Variants in KHDRBS2 observed in about 807,000 individuals in gnomAD.
The protein encoded by KHDRBS2 is KH domain-containing, RNA-binding, signal transduction-associated protein 2.
Under a neutral mutation model 44.3 loss-of-function variants are expected in KHDRBS2, and 26 were observed. That is an observed-to-expected ratio of 0.59 (90% CI 0.43 to 0.81). The LOEUF is 0.81. Ranked by LOEUF, KHDRBS2 falls within the 40% of genes least tolerant of loss-of-function variation. The probability of loss-of-function intolerance (pLI) is 0.00; values close to 1 mark genes in which losing one functional copy is unlikely to be tolerated. For missense variants in KHDRBS2, 476 were observed against 433.1 expected, an observed-to-expected ratio of 1.10 and a Z score of -0.88; for synonymous variants, 194 against 151.1, an observed-to-expected ratio of 1.28 and a Z score of -2.08.
At chr6:61,768,136 C>T (rs908901585) in intron 6 of KHDRBS2, among the ~76,000 whole-genome samples, 5 of 151,988 alleles carry the variant, frequency 3.3e-5, no homozygotes, top group African/African-American at 1.2e-4. Context: ...AGTATTCTTC[C>T]TTCAGTACTT....
chr6:62,177,260 C>T lies in KHDRBS2; in HGVS notation c.144G>A (p.Lys48=). The T allele has an allele frequency of 1.2e-6, 2 of 1,600,698 alleles. No individual in the cohort carries two copies. Among genetic ancestry groups the T allele is most frequent in the Admixed American group, 1.7e-5 (1 of 59,376 alleles). Residue 48 remains lysine (K), a synonymous_variant, in exon 2 of 9, where the codon AAG becomes AAA. Coordinates refer to ENST00000281156, the MANE Select transcript of KHDRBS2 (RefSeq NM_152688.4). ...SDGKKEDEEK[K]YLDVISNKNI... Reference sequence around the variant, plus strand: ...TTTTGTTGCTGATGACATCAAGATACTTCTTTTCTTCGTCTTCCTTTTTTC... The same window carrying T: ...TTTTGTTGCTGATGACATCAAGATATTTCTTTTCTTCGTCTTCCTTTTTTC...
intron 3 of KHDRBS2, among the ~76,000 whole-genome samples, chr6:62,026,605 T>G (rs1562670961): frequency 6.6e-6 from 1 of 151,632 alleles, no homozygotes. Flanking sequence ...GTTAACTTTT[T>G]TTTTTCAGAG....
chr6:61,876,642 G>A (rs1799447718), intron 6 of KHDRBS2, among the ~76,000 whole-genome samples: 1 of 152,030 alleles, frequency 6.6e-6, no homozygotes, highest in South Asian at 2.1e-4. Flanking sequence ...GTTGCAGTGA[G>A]CAATTTGGCA....
At chr6:62,228,788 T>A (rs1832372063) in intron 1 of KHDRBS2, among the ~76,000 whole-genome samples, 1 of 152,170 alleles carries the variant, frequency 6.6e-6, no homozygotes, top group Non-Finnish European at 1.5e-5. Context: ...TTCCATTATT[T>A]ACCCAGGAGT....
intron 1 of KHDRBS2, among the ~76,000 whole-genome samples, chr6:62,179,151 A>G (rs1821744422): frequency 6.6e-6 from 1 of 151,612 alleles, no homozygotes; most frequent in Non-Finnish European, 1.5e-5. Flanking sequence ...TGGAATTTAA[A>G]AGAATTATTT....
At position 61,901,355 on chromosome 6, in the gene KHDRBS2, A is replaced by G; in HGVS notation, c.500T>C (p.Ile167Thr). 2 of 1,612,908 alleles carry G rather than the reference A, an allele frequency of 1.2e-6. No individual in the cohort carries two copies. Among genetic ancestry groups the G allele is most frequent in the South Asian group, 1.1e-5 (1 of 91,010 alleles). ...TAATTCACGTAGTTGTTCCTGACGA[A>G]TTTCATCATTGTAGTCCTGGAGAAA... ...KFLVPDYNDE[I>T]RQEQLRELSY... The change falls in exon 5 of 9, where the codon ATT becomes ACT. Residue 167 changes from isoleucine (I) to threonine (T), a missense_variant. By Grantham distance (89) the Ile-to-Thr change is moderately conservative. Coordinates refer to ENST00000281156, the MANE Select transcript of KHDRBS2 (RefSeq NM_152688.4).
intron 4 of KHDRBS2, among the ~76,000 whole-genome samples, chr6:61,954,989 C>CATAT (rs144454493): frequency 7.6e-6 from 1 of 131,350 alleles, no homozygotes; most frequent in South Asian, 2.4e-4. Context: ...TATGTGTATA[C>CATAT]ATATATAGAC....
intron 4 of KHDRBS2, among the ~76,000 whole-genome samples, chr6:61,969,101 A>G (rs371298951): frequency 1.3e-5 from 2 of 152,106 alleles, no homozygotes; most frequent in East Asian, 1.9e-4. Flanking sequence ...GCTTTTACAT[A>G]TAAGATCTTT....
chr6:61,800,526 A>G (rs1467991073), intron 6 of KHDRBS2, among the ~76,000 whole-genome samples: 1 of 152,134 alleles, frequency 6.6e-6, no homozygotes, highest in African/African-American at 2.4e-5. Flanking sequence ...GTAGTACAAC[A>G]GTTCATTTAC....
At chr6:61,642,202 T>C in the KHDRBS2 span, among the ~76,000 whole-genome samples, 1 of 152,310 alleles carries the variant, frequency 6.6e-6, no homozygotes, top group South Asian at 2.1e-4. Flanking sequence ...TTTTATTTTT[T>C]ATATTTTATT....
chr6:61,611,336 T>C, the KHDRBS2 span, among the ~76,000 whole-genome samples: 1 of 152,170 alleles, frequency 6.6e-6, no homozygotes, highest in Admixed American at 6.5e-5. Flanking sequence ...AATCACCTTA[T>C]GAAAAGCATC....
chr6:62,032,854 C>T (rs1484274098), intron 3 of KHDRBS2, among the ~76,000 whole-genome samples: 2 of 151,770 alleles, frequency 1.3e-5, no homozygotes, highest in South Asian at 2.1e-4. Context: ...TGTGACCTCA[C>T]CAAATGAACT....
intron 2 of KHDRBS2, among the ~76,000 whole-genome samples, chr6:62,143,429 A>G (rs1279928071): frequency 6.6e-6 from 1 of 152,032 alleles, no homozygotes; most frequent in Non-Finnish European, 1.5e-5. Flanking sequence ...CAAAGACAGC[A>G]ATCTATTTCA....
At chr6:62,199,642 G>A (rs1474924092) in intron 1 of KHDRBS2, among the ~76,000 whole-genome samples, 10 of 152,138 alleles carry the variant, frequency 6.6e-5, no homozygotes, top group Admixed American at 6.5e-4. Flanking sequence ...TCAATATCGT[G>A]AAAACGGCCA....
intron 6 of KHDRBS2, among the ~76,000 whole-genome samples, chr6:61,745,104 T>C (rs1776675069): frequency 6.6e-6 from 1 of 152,126 alleles, no homozygotes; most frequent in African/African-American, 2.4e-5. Context: ...GGAAGCAATA[T>C]AGTAAACAAA....
At chr6:62,003,733 A>G (rs1341301625) in intron 3 of KHDRBS2, among the ~76,000 whole-genome samples, 1 of 152,128 alleles carries the variant, frequency 6.6e-6, no homozygotes, top group Non-Finnish European at 1.5e-5. Context: ...GCACCACATC[A>G]CACTTATTCC....
intron 4 of KHDRBS2, among the ~76,000 whole-genome samples, chr6:61,969,195 T>G (rs541673686): frequency 6.6e-6 from 1 of 152,156 alleles, no homozygotes; most frequent in African/African-American, 2.4e-5. Flanking sequence ...TTATTGTTGC[T>G]CATAGAACTT....
chr6:62,107,590 A>C (rs377081679), intron 2 of KHDRBS2, among the ~76,000 whole-genome samples: 11 of 152,096 alleles, frequency 7.2e-5, no homozygotes, highest in South Asian at 2.1e-4. Flanking sequence ...TTGGAAAAAA[A>C]TACTTTAAAC....
At chr6:62,049,395 G>A (rs1276613520) in intron 2 of KHDRBS2, among the ~76,000 whole-genome samples, 3 of 151,408 alleles carry the variant, frequency 2.0e-5, no homozygotes, top group African/African-American at 7.3e-5. Context: ...AACTATATGT[G>A]ACAACTAAAA....
Sources: gnomAD v4.1 joint callset for allele counts (sites outside exome capture counted in the v4.1 genomes callset) on GRCh38, gnomAD v4.1.1 for gene constraint, MANE v1.5 for transcripts, NCBI Gene and HGNC (gene_info 2026-07-23, HGNC 2026-07-21) for gene names.